Variants in URB2 observed in about 807,000 individuals in gnomAD.
URB2 encodes URB2 ribosome biogenesis homolog.
Under a neutral mutation model 120.9 loss-of-function variants are expected in URB2, and 86 were observed. The observed-to-expected ratio is 0.71, with a 90% CI of 0.60 to 0.85. The LOEUF (loss-of-function observed/expected upper bound fraction) is 0.85. URB2 is among the 40% of genes least tolerant of loss of function. URB2 has a pLI of 0.00. For missense variants in URB2, 1,765 were observed against 1,836.5 expected, an observed-to-expected ratio of 0.96 and a Z score of 0.71; for synonymous variants, 755 against 758.4, an observed-to-expected ratio of 1.00 and a Z score of 0.07.
chr1:229,640,128 A>G (rs1004431454), intron 4 of URB2, among the ~76,000 whole-genome samples: 3 of 152,252 alleles, frequency 2.0e-5, no homozygotes, highest in Non-Finnish European at 4.4e-5. Flanking sequence ...CATGCATTGT[A>G]TTATTGCATT....
At position 229,637,984 on chromosome 1, in the gene URB2, T is replaced by C. The variant is rs767655144; in HGVS notation, c.3371T>C (p.Leu1124Ser). The C allele has an allele frequency of 9.3e-6, 15 of 1,613,604 alleles. No homozygotes were observed. Among genetic ancestry groups the C allele is most frequent in the African/African-American group, 2.7e-5 (2 of 74,936 alleles). Residue 1124 changes from leucine to serine, a missense_variant, in exon 4 of 10, where the codon TTG (leucine) becomes TCG (serine). Transcript: ENST00000258243. ...SVLISSVSTLLEADLGQHCRD... is the reference protein window; with the variant it reads ...SVLISSVSTLSEADLGQHCRD... ...CTCATCTCATCCGTCAGCACGCTCT[T>C]GGAAGCCGACCTGGGTCAGCACTGC...
chr1:229,630,849 GC>G (rs1483439249), intron 2 of URB2, among the ~76,000 whole-genome samples: 15 of 151,982 alleles, frequency 9.9e-5, no homozygotes, highest in Non-Finnish European at 1.6e-4. Flanking sequence ...AGGCATGGTG[GC>G]GGGCACCTGT....
chr1:229,651,215 T>A lies in URB2; in HGVS notation c.4150-20T>A, dbSNP rs757990599. 3 of 1,585,544 alleles carry A rather than the reference T, an allele frequency of 1.9e-6. No homozygotes were observed. The highest frequency in any genetic ancestry group is 2.6e-6 in the Non-Finnish European group (3 of 1,169,366). ...AATAATCACGTATGTACTTTTACAT[T>A]CTGTTATCTGTCATTACAGGTAATG... On this transcript the variant is annotated intron_variant, in intron 7 of 9. Transcript: ENST00000258243.
intron 4 of URB2, among the ~76,000 whole-genome samples, chr1:229,638,744 A>G (rs976890321): frequency 2.0e-5 from 3 of 152,082 alleles, no homozygotes; most frequent in Non-Finnish European, 2.9e-5. Context: ...CTAGGCGTAC[A>G]TAAGCAATTA....
chr1:229,654,113 A>T, intron 8 of URB2, 136 bp from the exon 9 acceptor site: 1 of 1,271,040 alleles, frequency 7.9e-7, no homozygotes, highest in Non-Finnish European at 1.1e-6. Context: ...TCTGTCTGCA[A>T]AATAAGCCAA....
chr1:229,634,674 C>T (rs1252334939), intron 3 of URB2, among the ~76,000 whole-genome samples: 6 of 152,098 alleles, frequency 3.9e-5, no homozygotes, highest in Non-Finnish European at 7.4e-5. Flanking sequence ...TACAAAGGCA[C>T]GGATCCTTTT....
intron 9 of URB2, among the ~76,000 whole-genome samples, chr1:229,658,013 T>C (rs1339282168): frequency 6.6e-6 from 1 of 152,208 alleles, no homozygotes; most frequent in Non-Finnish European, 1.5e-5. Flanking sequence ...TTGGTTTTTT[T>C]CTACTTCTTA....
Position 229,637,273 on chromosome 1 carries a change from A to G in URB2, c.2660A>G (p.Glu887Gly). The G allele has an allele frequency of 2.5e-6, 4 of 1,614,196 alleles. No individual in the cohort carries two copies. The highest frequency in any genetic ancestry group is 2.5e-6 in the Non-Finnish European group (3 of 1,180,036). The change falls in exon 4 of 10, where the codon GAG (glutamate) becomes GGG (glycine). Residue 887 changes from glutamate (E) to glycine (G), a missense_variant. Coordinates refer to ENST00000258243, the MANE Select transcript of URB2 (RefSeq NM_014777.4). ...AAGAGTGACTTCCCTATCCAGCTGGAGGGAGAGCAGTTGGAAAGCATCCTG... is the reference window on the plus strand; with the variant it reads ...AAGAGTGACTTCCCTATCCAGCTGGGGGGAGAGCAGTTGGAAAGCATCCTG... ...LVKSDFPIQL[E>G]GEQLESILGL...
At position 229,637,367 on chromosome 1, in the gene URB2, T is replaced by G; in HGVS notation, c.2754T>G (p.Phe918Leu). 1 of 1,614,190 alleles carries G rather than the reference T, an allele frequency of 6.2e-7. No homozygotes were observed. The highest frequency in any genetic ancestry group is 1.1e-5 in the South Asian group (1 of 91,084). The change falls in exon 4 of 10, where the codon TTT becomes TTG. Residue 918 changes from phenylalanine to leucine, a missense_variant. Coordinates refer to ENST00000258243, the MANE Select transcript of URB2 (RefSeq NM_014777.4). ...TGCCACCCTATCATGTGCATTATTT[T>G]CTTGTGTTACTGTCCATGGCCGTCA... The part of the protein sequence containing the change: ...SLLPPYHVHY[F>L]LVLLSMAVTK...
rs1470712431 is a variant in URB2 at position 229,635,909 on chromosome 1, T to G, written c.1296T>G (p.Ala432=). ...AGCCAGACCTGGATGACCTGCTGGC[T>G]TCAGCGTGGATCGATGCCGAGGTAA... ...ILEPDLDDLL[A]SAWIDAEVTE... is the part of the protein sequence containing the mutation. The change falls in exon 4 of 10, where the codon GCT becomes GCG. Residue 432 remains alanine, a synonymous_variant. Transcript: ENST00000258243. 2.5e-6 allele frequency: 4 copies of G among 1,614,226 alleles called. No individual in the cohort carries two copies. Among genetic ancestry groups the G allele is most frequent in the Non-Finnish European group, 3.4e-6 (4 of 1,180,054 alleles).
At chr1:229,651,565 T>C (rs1039876846) in intron 8 of URB2, among the ~76,000 whole-genome samples, 2 of 152,140 alleles carry the variant, frequency 1.3e-5, no homozygotes, top group African/African-American at 2.4e-5. Context: ...AAAAAAAATA[T>C]CAGATTTAGG....
intron 4 of URB2, among the ~76,000 whole-genome samples, chr1:229,642,872 AT>A (rs1363766768): frequency 6.6e-6 from 1 of 152,248 alleles, no homozygotes. Flanking sequence ...TATTAAAAAA[AT>A]CTTGTATTAC....
Position 229,636,885 on chromosome 1 carries a change from G to T in URB2, c.2272G>T (p.Asp758Tyr), listed in dbSNP as rs1405092095. The T allele has an allele frequency of 6.2e-7, 1 of 1,611,624 alleles. No individual in the cohort carries two copies. The highest frequency in any genetic ancestry group is 8.5e-7 in the Non-Finnish European group (1 of 1,178,342). ...TTTAATATCCTATCTGTGTCCAGAT[G>T]ATGTGGGATACCTGGCCAGTGTCCT... ...TILISYLCPDDVGYLASVLLR... is the reference protein window; with the variant it reads ...TILISYLCPDYVGYLASVLLR... The change falls in exon 4 of 10, where the codon GAT (aspartate) becomes TAT (tyrosine). Residue 758 changes from aspartate to tyrosine, a missense_variant. Coordinates refer to ENST00000258243, the MANE Select transcript of URB2 (RefSeq NM_014777.4).
chr1:229,641,289 A>G (rs1349765802), intron 4 of URB2, among the ~76,000 whole-genome samples: 1 of 152,162 alleles, frequency 6.6e-6, no homozygotes, highest in East Asian at 1.9e-4. Context: ...CTGGGATTAC[A>G]GGCATAAGCC....
At chr1:229,630,996 A>AG (rs1348164241) in intron 2 of URB2, among the ~76,000 whole-genome samples, 1 of 151,348 alleles carries the variant, frequency 6.6e-6, no homozygotes, top group Non-Finnish European at 1.5e-5. Flanking sequence ...AAAAAAAAAA[A>AG]AAAAAAAAAG....
chr1:229,634,237 G>T (rs183160327), intron 3 of URB2, among the ~76,000 whole-genome samples: 2 of 139,228 alleles, frequency 1.4e-5, no homozygotes, highest in African/African-American at 5.4e-5. Context: ...ACAGGGTCCC[G>T]CTCTGTCACC....
intron 8 of URB2, among the ~76,000 whole-genome samples, chr1:229,652,289 AGCAGTAG>A (rs1666298331): frequency 6.6e-6 from 1 of 152,198 alleles, no homozygotes; most frequent in South Asian, 2.1e-4. Flanking sequence ...TGATGTGCTA[AGCAGTAG>A]GTCAGGGTGT....
intron 3 of URB2, among the ~76,000 whole-genome samples, chr1:229,634,107 A>G (rs943289817): frequency 3.9e-5 from 6 of 152,042 alleles, no homozygotes; most frequent in Non-Finnish European, 7.4e-5. Context: ...TGTTGGGATT[A>G]CAGGCATGAG....
intron 4 of URB2, among the ~76,000 whole-genome samples, chr1:229,641,741 TG>T (rs1666016498): frequency 1.3e-5 from 2 of 152,178 alleles, no homozygotes; most frequent in Non-Finnish European, 2.9e-5. Flanking sequence ...AAATGCTTCT[TG>T]GCTGGGAGTG....
Sources: allele counts gnomAD v4.1 joint callset (sites outside exome capture counted in the v4.1 genomes callset), GRCh38; gene constraint gnomAD v4.1.1; transcripts MANE v1.5; gene names NCBI Gene and HGNC (gene_info 2026-07-23, HGNC 2026-07-21).